SLC35F4: variants seen among roughly 807,000 people sequenced by gnomAD.
SLC35F4 encodes the protein chromosome 14 open reading frame 36.
SLC35F4 carries 24 observed loss-of-function variants against 44.2 expected under a neutral mutation model. That is an observed-to-expected ratio of 0.54 (90% CI 0.39 to 0.76). The LOEUF (loss-of-function observed/expected upper bound fraction) is 0.76, where lower values mean the gene tolerates loss of function less well. Among genes scored for constraint, SLC35F4 ranks in the 30% least tolerant of loss-of-function variants. The pLI is 0.00. For missense variants in SLC35F4, 562 were observed against 586.1 expected (o/e 0.96, Z 0.42); for synonymous variants, 238 against 223.6 (o/e 1.06, Z -0.57).
rs984830543 is a variant in SLC35F4 at position 57,778,447 on chromosome 14, T to C, written c.103+87276A>G. Among the ~76,000 whole-genome samples, 24 of 152,210 alleles carry C rather than the reference T, an allele frequency of 1.6e-4. No homozygotes were observed. The Middle Eastern group carries it at 0.01, about 65-fold the overall frequency. On this transcript the variant is annotated intron_variant, in intron 1 of 7. Coordinates refer to ENST00000556826, the MANE Select transcript of SLC35F4 (RefSeq NM_001306087.2). ...AAGAGCTAACTATCCTAAATATATA[T>C]GCGCCCAACACAGGAGCACCGAGAT...
At chr14:57,628,972 A>C (rs1437041463) in intron 1 of SLC35F4, among the ~76,000 whole-genome samples, 2 of 152,170 alleles carry the variant, frequency 1.3e-5, no homozygotes, top group African/African-American at 2.4e-5. Context: ...ACAGCACAAG[A>C]AGCATAAAAA....
At chr14:57,581,465 TA>T (rs767753399) in intron 3 of SLC35F4, 32 bp from the exon 4 acceptor site, 1 of 1,563,696 alleles carries the variant, frequency 6.4e-7, no homozygotes. Flanking sequence ...AATATCCAGG[TA>T]CTGATGGTGA....
chr14:57,726,662 G>T (rs1092030), intron 1 of SLC35F4, among the ~76,000 whole-genome samples: 71,604 of 151,942 alleles, frequency 0.47, 17,263 homozygotes, highest in Non-Finnish European at 0.53. Flanking sequence ...CCTTATTATT[G>T]TCTTTATTCA....
chr14:57,615,691 C>T (rs772158937), intron 1 of SLC35F4, among the ~76,000 whole-genome samples: 1 of 151,998 alleles, frequency 6.6e-6, no homozygotes, highest in Non-Finnish European at 1.5e-5. Context: ...AGAGAAATTT[C>T]AGTAGGTTAT....
chr14:57,639,214 C>A (rs1026292113), intron 1 of SLC35F4, among the ~76,000 whole-genome samples: 2 of 152,054 alleles, frequency 1.3e-5, no homozygotes, highest in African/African-American at 4.8e-5. Flanking sequence ...TCTGAGCTGA[C>A]AAGAGATAAA....
At chr14:57,578,326 T>C (rs1358836632) in intron 4 of SLC35F4, among the ~76,000 whole-genome samples, 2 of 25,230 alleles carry the variant, frequency 7.9e-5, no homozygotes, top group East Asian at 2.0e-3. Flanking sequence ...CCTTTAACTG[T>C]TTTTTTTTTT....
At chr14:57,643,756 A>G (rs2073357620) in intron 1 of SLC35F4, among the ~76,000 whole-genome samples, 1 of 152,084 alleles carries the variant, frequency 6.6e-6, no homozygotes, top group Non-Finnish European at 1.5e-5. Flanking sequence ...TCCTAATACT[A>G]TCCCTCCCCC....
rs372177957 is a variant in SLC35F4 at position 57,812,708 on chromosome 14, GA to G, written c.103+53014del. On this transcript the variant is annotated intron_variant, in intron 1 of 7. Coordinates refer to ENST00000556826, the MANE Select transcript of SLC35F4 (RefSeq NM_001306087.2). Reference sequence around the variant, plus strand: ...CATCATCATCTACAGAACGGACAAAGAAAAAAAAAAGCATCTGTTAGTCTTC... The same window carrying G: ...CATCATCATCTACAGAACGGACAAAGAAAAAAAAAGCATCTGTTAGTCTTC... 1.6e-3 allele frequency among the ~76,000 whole-genome samples: 238 copies of G among 147,074 alleles called. 1 individual carries two copies. Among genetic ancestry groups the G allele is most frequent in the African/African-American group, 2.3e-3 (94 of 40,058 alleles).
chr14:57,676,445 C>A (rs1451034619), intron 1 of SLC35F4, among the ~76,000 whole-genome samples: 3 of 152,020 alleles, frequency 2.0e-5, no homozygotes, highest in Non-Finnish European at 4.4e-5. Context: ...GAAGAGAGAG[C>A]ACCAGGATAA....
intron 1 of SLC35F4, among the ~76,000 whole-genome samples, chr14:57,695,595 T>C (rs975275117): frequency 1.3e-5 from 2 of 151,812 alleles, no homozygotes; most frequent in African/African-American, 4.8e-5. Context: ...AGTTCAACCA[T>C]TGTGGAAGTC....
chr14:57,966,116 T>G (rs139375887), intron 1 of SLC35F4, among the ~76,000 whole-genome samples: 1 of 152,226 alleles, frequency 6.6e-6, no homozygotes, highest in Non-Finnish European at 1.5e-5. Context: ...AGTTCTTTCA[T>G]GACGCTGATG....
chr14:57,777,040 G>A (rs2077506604), intron 1 of SLC35F4, among the ~76,000 whole-genome samples: 1 of 152,174 alleles, frequency 6.6e-6, no homozygotes, highest in South Asian at 2.1e-4. Context: ...ACACAAACAA[G>A]TCAGCATAAT....
chr14:57,865,860 G>A lies in SLC35F4; in HGVS notation c.-35C>T, dbSNP rs1251527950. 2.1e-6 allele frequency: 3 copies of A among 1,450,036 alleles called. No homozygotes were observed. Among genetic ancestry groups the A allele is most frequent in the Non-Finnish European group, 2.8e-6 (3 of 1,090,072 alleles). The allele number at this position is 1,450,036 out of a possible 1,614,324, so 89.8% of individuals were successfully genotyped here. A position where few individuals can be genotyped will look rare whatever the true frequency, so the allele number is the denominator to read the frequency against. On this transcript the variant is annotated 5_prime_UTR_variant, in exon 1 of 8. Transcript: ENST00000556826. ...GGGGCGACGGCCCCGAGTGCGGCGG[G>A]GCGGAGAGCGCAGCGCGGGGCCCGG...
chr14:57,847,900 T>C (rs1271055863), intron 1 of SLC35F4, among the ~76,000 whole-genome samples: 1 of 152,236 alleles, frequency 6.6e-6, no homozygotes, highest in Non-Finnish European at 1.5e-5. Context: ...TGATTCTATC[T>C]GAAAGATGAC....
intron 1 of SLC35F4, among the ~76,000 whole-genome samples, chr14:57,924,316 T>A (rs1566930560): frequency 6.6e-6 from 1 of 152,186 alleles, no homozygotes; most frequent in Non-Finnish European, 1.5e-5. Context: ...TCCATCTGCT[T>A]GCCTTCTGGT....
At chr14:57,762,962 TAAAAG>T (rs2077158338) in intron 1 of SLC35F4, among the ~76,000 whole-genome samples, 1 of 152,156 alleles carries the variant, frequency 6.6e-6, no homozygotes, top group Admixed American at 6.5e-5. Context: ...AATGTTTATC[TAAAAG>T]AAAAGAGAGC....
chr14:57,886,803 T>C (rs1888658813), intron 1 of SLC35F4, among the ~76,000 whole-genome samples: 1 of 149,580 alleles, frequency 6.7e-6, no homozygotes, highest in Non-Finnish European at 1.5e-5. Flanking sequence ...GGGAAAGGAG[T>C]TGTGTAAAGC....
At chr14:57,693,539 C>G (rs963205644) in intron 1 of SLC35F4, among the ~76,000 whole-genome samples, 1 of 152,198 alleles carries the variant, frequency 6.6e-6, no homozygotes, top group African/African-American at 2.4e-5. Context: ...CTAGCCAGAG[C>G]CCATCCCTTT....
At chr14:57,679,218 ACT>A (rs2074804961) in intron 1 of SLC35F4, among the ~76,000 whole-genome samples, 1 of 152,096 alleles carries the variant, frequency 6.6e-6, no homozygotes, top group Non-Finnish European at 1.5e-5. Flanking sequence ...GTATTAAGAA[ACT>A]CACTCAAAAC....
Sources: gnomAD v4.1 joint callset for allele counts (sites outside exome capture counted in the v4.1 genomes callset) on GRCh38, gnomAD v4.1.1 for gene constraint, MANE v1.5 for transcripts, NCBI Gene and HGNC (gene_info 2026-07-23, HGNC 2026-07-21) for gene names.